The following TMEM114 variants were observed in gnomAD, a reference collection of about 807,000 sequenced individuals.
TMEM114 encodes the protein transmembrane protein 114, also known as claudin-26.
A neutral mutation model predicts 6.2 loss-of-function variants in TMEM114; 6 were observed. The observed-to-expected ratio is 0.97, with a 90% CI of 0.53 to 1.91. The LOEUF is 1.91. Ranked by LOEUF, TMEM114 falls within the 40% of genes most tolerant of loss-of-function variation. The pLI, the probability that TMEM114 is intolerant of heterozygous loss-of-function variation, is 0.01. For missense variants in TMEM114, 218 were observed against 158.3 expected (o/e 1.38, Z -2.02); for synonymous variants, 104 against 73.0 (o/e 1.42, Z -2.16).
At chr16:8,538,396 G>T (rs997596960) in intron 2 of TMEM114, among the ~76,000 whole-genome samples, 1 of 152,122 alleles carries the variant, frequency 6.6e-6, no homozygotes, top group African/African-American at 2.4e-5. Flanking sequence ...GAGACCTGAG[G>T]CAGGAGAGAA....
chr16:8,580,802 G>A (rs1156478605), intron 2 of TMEM114, among the ~76,000 whole-genome samples: 2 of 151,908 alleles, frequency 1.3e-5, no homozygotes, highest in Non-Finnish European at 1.5e-5. Flanking sequence ...AGCAACCCCC[G>A]ACTTCAGCCT....
In TMEM114 at chr16:8,590,175, C is replaced by A. The variant is rs1363922170; in HGVS notation, c.-337G>T. ...CCTCCTGGAAGCTCTAGTCCTTCCC[C>A]ACCAGCACCTTAACCCACCTCGTCC... On this transcript the variant is annotated 5_prime_UTR_variant, in exon 1 of 4. Coordinates refer to ENST00000620492, the MANE Select transcript of TMEM114 (RefSeq NM_001146336.2). 1.2e-5 allele frequency: 3 copies of A among 255,326 alleles called. No homozygotes were observed. Among genetic ancestry groups the A allele is most frequent in the East Asian group, 7.0e-5 (1 of 14,214 alleles). 15.8% of individuals were successfully genotyped at this position (255,326 alleles called of 1,614,324 possible).
At chr16:8,538,318 T>C (rs1900420577) in intron 2 of TMEM114, among the ~76,000 whole-genome samples, 1 of 151,596 alleles carries the variant, frequency 6.6e-6, no homozygotes, top group South Asian at 2.1e-4. Flanking sequence ...CAGACATATT[T>C]GCTCTGGAGG....
chr16:8,544,681 G>C (rs1002397295), intron 2 of TMEM114, among the ~76,000 whole-genome samples: 2 of 152,164 alleles, frequency 1.3e-5, no homozygotes, highest in East Asian at 1.9e-4. Flanking sequence ...CCCCTTTTCA[G>C]TGTTCAGAGA....
In TMEM114 at chr16:8,576,752, AAGG is replaced by A. The variant is rs1567208943; in HGVS notation, c.302-4531_302-4529del. On this transcript the variant is annotated intron_variant, in intron 2 of 3. Transcript: ENST00000620492. ...GAAGGAAGGAAGGAAGGAAGGAAGG[AAGG>A]AAGGAAGGAAGGAAATTGAGCATTT... Among the ~76,000 whole-genome samples the A allele has an allele frequency of 3.4e-5, 5 of 146,966 alleles. No homozygotes were observed. The East Asian group carries it at 7.8e-4, about 23-fold the overall frequency.
intron 2 of TMEM114, among the ~76,000 whole-genome samples, chr16:8,558,649 G>T (rs778591937): frequency 6.6e-6 from 1 of 152,084 alleles, no homozygotes; most frequent in Non-Finnish European, 1.5e-5. Flanking sequence ...ATTTAGGCAA[G>T]CAACTACAAC....
intron 2 of TMEM114, among the ~76,000 whole-genome samples, chr16:8,551,344 C>T (rs7195445): frequency 0.027 from 4,150 of 152,276 alleles, 190 homozygotes; most frequent in African/African-American, 0.095. Flanking sequence ...TGAATCCAAG[C>T]TCCAGCCCCT....
At chr16:8,542,146 G>A (rs927800162) in intron 2 of TMEM114, among the ~76,000 whole-genome samples, 1 of 151,846 alleles carries the variant, frequency 6.6e-6, no homozygotes, top group Admixed American at 6.6e-5. Context: ...GATTCGTGGG[G>A]GGGGGTCCCT....
intron 2 of TMEM114, among the ~76,000 whole-genome samples, chr16:8,542,575 A>G (rs1376348697): frequency 2.0e-5 from 3 of 152,192 alleles, no homozygotes; most frequent in African/African-American, 7.2e-5. Context: ...TTGGAAATGC[A>G]AATTCCTTGG....
intron 2 of TMEM114, among the ~76,000 whole-genome samples, chr16:8,563,402 CGAGTGAGTTAATTAGTGAGTG>C: frequency 6.9e-6 from 1 of 144,978 alleles, no homozygotes; most frequent in South Asian, 2.2e-4. Context: ...AATGAGTAAA[CGAGTGAGTTAATTAGTGAGTG>C]AATGAGTGAG....
rs905184063 is a variant in TMEM114 at position 8,579,177 on chromosome 16, T to A, written c.302-6953A>T. On this transcript the variant is annotated intron_variant, in intron 2 of 3. Transcript: ENST00000620492. Reference sequence around the variant, plus strand: ...TGTGACTGCTTCATTATCATGCTGTTCAAAGAGCTGCTCAGTGGGGAAAGC... The same window carrying A: ...TGTGACTGCTTCATTATCATGCTGTACAAAGAGCTGCTCAGTGGGGAAAGC... Among the ~76,000 whole-genome samples the A allele has an allele frequency of 5.9e-5, 9 of 152,296 alleles. 1 individual carries two copies. Among genetic ancestry groups the A allele is most frequent in the African/African-American group, 1.9e-4 (8 of 41,562 alleles).
chr16:8,554,114 G>T (rs1251311155), intron 2 of TMEM114, among the ~76,000 whole-genome samples: 1 of 152,108 alleles, frequency 6.6e-6, no homozygotes, highest in Non-Finnish European at 1.5e-5. Flanking sequence ...CCTGAGCTCA[G>T]GTGATCCACC....
rs184564298 is a variant in TMEM114 at position 8,572,782 on chromosome 16, C to T, written c.302-558G>A. Among the ~76,000 whole-genome samples the T allele has an allele frequency of 2.6e-5, 4 of 152,284 alleles. No individual in the cohort carries two copies. In the East Asian group the frequency reaches 5.8e-4, roughly 22 times the overall value. ...AGAAGCCGCAATGCAGATGATCACACGCATCATTAATTATTCATTACAAGA... is the reference window on the plus strand; with the variant it reads ...AGAAGCCGCAATGCAGATGATCACATGCATCATTAATTATTCATTACAAGA... On this transcript the variant is annotated intron_variant, in intron 2 of 3. Transcript: ENST00000620492.
intron 2 of TMEM114, among the ~76,000 whole-genome samples, chr16:8,564,201 GTGGGT>G (rs1901423176): frequency 6.7e-6 from 1 of 148,758 alleles, no homozygotes; most frequent in Admixed American, 6.7e-5. Context: ...GAATGAGTGA[GTGGGT>G]GAATGAGTGA....
chr16:8,559,819 A>G (rs1257034727), intron 2 of TMEM114, among the ~76,000 whole-genome samples: 2 of 152,136 alleles, frequency 1.3e-5, no homozygotes, highest in African/African-American at 4.8e-5. Context: ...GGTTTCCATG[A>G]CAGAAGCTGC....
intron 2 of TMEM114, among the ~76,000 whole-genome samples, chr16:8,557,926 A>T (rs1471122464): frequency 6.6e-6 from 1 of 152,188 alleles, no homozygotes; most frequent in East Asian, 1.9e-4. Flanking sequence ...AACAACTGAA[A>T]TGTATTCTCT....
intron 2 of TMEM114, among the ~76,000 whole-genome samples, chr16:8,588,218 A>T (rs1902374471): frequency 1.3e-5 from 2 of 149,216 alleles, no homozygotes; most frequent in Non-Finnish European, 3.0e-5. Context: ...ACCTGGGAGG[A>T]GGAGGTTGCA....
intron 2 of TMEM114, among the ~76,000 whole-genome samples, chr16:8,560,346 C>G (rs2071559863): frequency 6.6e-6 from 1 of 152,010 alleles, no homozygotes; most frequent in Non-Finnish European, 1.5e-5. Context: ...TTTCTGTTGG[C>G]TTGTCCATCA....
intron 2 of TMEM114, among the ~76,000 whole-genome samples, chr16:8,581,677 C>A (rs1030459178): frequency 5.3e-5 from 8 of 152,274 alleles, no homozygotes; most frequent in African/African-American, 1.9e-4. Flanking sequence ...TGCTCTCAAA[C>A]TCCTGACCTC....
Sources: gnomAD v4.1 joint callset for allele counts (sites outside exome capture counted in the v4.1 genomes callset) on GRCh38, gnomAD v4.1.1 for gene constraint, MANE v1.5 for transcripts, NCBI Gene and HGNC (gene_info 2026-07-23, HGNC 2026-07-21) for gene names.